Variants in TMEM132D observed in about 807,000 individuals in gnomAD.
TMEM132D encodes mature OL transmembrane protein.
In TMEM132D, 21 loss-of-function variants were observed where a neutral mutation model predicts 62.3. That is an observed-to-expected ratio of 0.34 (90% CI 0.24 to 0.49). The LOEUF is 0.49. TMEM132D is among the 20% of genes least tolerant of loss of function. TMEM132D has a pLI of 0.99. For missense variants in TMEM132D, 1,346 were observed against 1,402.8 expected (o/e 0.96, Z 0.65); for synonymous variants, 621 against 575.6 (o/e 1.08, Z -1.13).
intron 3 of TMEM132D, among the ~76,000 whole-genome samples, chr12:129,361,642 T>C (rs560808342): frequency 2.6e-5 from 4 of 152,354 alleles, no homozygotes; most frequent in Non-Finnish European, 4.4e-5. Context: ...TGTTGACTGC[T>C]GCCTCTATAC....
At chr12:129,815,816 T>G (rs193044255) in intron 1 of TMEM132D, among the ~76,000 whole-genome samples, 10 of 152,342 alleles carry the variant, frequency 6.6e-5, no homozygotes, top group Non-Finnish European at 1.3e-4. Context: ...TATTTTTTAA[T>G]AACTAGAAAT....
chr12:129,691,659 T>A (rs1014658270), intron 2 of TMEM132D, among the ~76,000 whole-genome samples: 4 of 152,136 alleles, frequency 2.6e-5, no homozygotes, highest in African/African-American at 9.6e-5. Flanking sequence ...TTTGAGGTGA[T>A]GAATATGTTA....
chr12:129,858,908 T>C (rs71466459), intron 1 of TMEM132D, among the ~76,000 whole-genome samples: 9 of 77,614 alleles, frequency 1.2e-4, no homozygotes, highest in African/African-American at 1.6e-4. Flanking sequence ...GTCCGGGGGA[T>C]GGGATGGCTG....
chr12:129,323,308 T>C (rs1364299749), intron 4 of TMEM132D, among the ~76,000 whole-genome samples: 1 of 152,170 alleles, frequency 6.6e-6, no homozygotes, highest in Non-Finnish European at 1.5e-5. Flanking sequence ...GGCATAATAT[T>C]CTCTGATGCA....
intron 1 of TMEM132D, among the ~76,000 whole-genome samples, chr12:129,707,797 A>C (rs1180803487): frequency 1.3e-5 from 2 of 152,196 alleles, no homozygotes; most frequent in African/African-American, 4.8e-5. Context: ...GGTGCAGGGG[A>C]AACAGAATTC....
chr12:129,789,537 A>C (rs1165718001), intron 1 of TMEM132D, among the ~76,000 whole-genome samples: 3 of 152,242 alleles, frequency 2.0e-5, no homozygotes, highest in Non-Finnish European at 4.4e-5. Context: ...ACACCGTGGA[A>C]TACTACTCAG....
chr12:129,461,742 T>A (rs567641011), intron 3 of TMEM132D, among the ~76,000 whole-genome samples: 74 of 126,108 alleles, frequency 5.9e-4, no homozygotes, highest in African/African-American at 2.1e-3. Context: ...GGTGGGTGGG[T>A]GGATAGATGG....
intron 3 of TMEM132D, among the ~76,000 whole-genome samples, chr12:129,440,025 G>GA (rs1282304377): frequency 2.6e-5 from 4 of 152,122 alleles, no homozygotes; most frequent in Non-Finnish European, 5.9e-5. Flanking sequence ...ATCCCAGAAT[G>GA]AAAAAGAGGT....
Position 129,144,007 on chromosome 12 carries a change from T to A in TMEM132D, c.1444-59305A>T, listed in dbSNP as rs116994510. On this transcript the variant is annotated intron_variant, in intron 5 of 8. Transcript: ENST00000422113. ...TTGGGAGCTGAGCAGCTGCCTTGAT[T>A]TATTATTTAACATTTTTCTTGCGGG... Among the ~76,000 whole-genome samples the A allele has an allele frequency of 3.1e-3, 472 of 152,214 alleles. 1 individual carries two copies. The highest frequency in any genetic ancestry group is 5.2e-3 in the Admixed American group (80 of 15,284).
At chr12:129,482,135 C>A (rs1369594556) in intron 3 of TMEM132D, among the ~76,000 whole-genome samples, 1 of 152,206 alleles carries the variant, frequency 6.6e-6, no homozygotes, top group Non-Finnish European at 1.5e-5. Context: ...TCTCAGCCAG[C>A]CCCCAGACAC....
At chr12:129,656,275 G>A (rs564147937) in intron 2 of TMEM132D, among the ~76,000 whole-genome samples, 6 of 151,370 alleles carry the variant, frequency 4.0e-5, no homozygotes, top group Non-Finnish European at 7.4e-5. Flanking sequence ...GAAAAGGAAA[G>A]AATGAAAGGG....
At chr12:129,101,905 C>T (rs575109642) in intron 5 of TMEM132D, among the ~76,000 whole-genome samples, 1 of 152,008 alleles carries the variant, frequency 6.6e-6, no homozygotes, top group South Asian at 2.1e-4. Context: ...TATAGAGAAA[C>T]CACCAGTCTT....
rs371380368 is a variant in TMEM132D at position 129,464,857 on chromosome 12, T to C, written c.1115+66202A>G. The stretch of plus-strand genomic sequence containing the variant: ...TCTCTGTTTTGGTACCAGTACCATG[T>C]TGTTTTGGTTACTGTAGCCTTGTAG... On this transcript the variant is annotated intron_variant, in intron 3 of 8. Coordinates refer to ENST00000422113, the MANE Select transcript of TMEM132D (RefSeq NM_133448.3). Among the ~76,000 whole-genome samples the C allele has an allele frequency of 6.3e-3, 961 of 152,130 alleles. 8 individuals are homozygous for C. Among genetic ancestry groups the C allele is most frequent in the African/African-American group, 0.021 (890 of 41,500 alleles).
At chr12:129,106,272 G>A (rs567710546) in intron 5 of TMEM132D, among the ~76,000 whole-genome samples, 18 of 131,296 alleles carry the variant, frequency 1.4e-4, no homozygotes, top group African/African-American at 5.7e-4. Flanking sequence ...TGTTGTGGGA[G>A]GGCGGAGGGG....
At chr12:129,191,179 A>G (rs916405531) in intron 5 of TMEM132D, among the ~76,000 whole-genome samples, 3 of 152,104 alleles carry the variant, frequency 2.0e-5, no homozygotes, top group Non-Finnish European at 4.4e-5. Context: ...CCTATGTGGA[A>G]TCTACTCAAA....
chr12:129,507,989 T>C (rs1431988627), intron 3 of TMEM132D, among the ~76,000 whole-genome samples: 1 of 152,186 alleles, frequency 6.6e-6, no homozygotes, highest in African/African-American at 2.4e-5. Context: ...CAGACTATCC[T>C]TCTTTTGTGT....
At chr12:129,822,387 G>A (rs181264975) in intron 1 of TMEM132D, among the ~76,000 whole-genome samples, 2 of 152,266 alleles carry the variant, frequency 1.3e-5, no homozygotes, top group East Asian at 3.9e-4. Flanking sequence ...AAGGACCAGG[G>A]TAACACAGGT....
chr12:129,425,830 T>TG (rs1466638226), intron 3 of TMEM132D, among the ~76,000 whole-genome samples: 1 of 152,212 alleles, frequency 6.6e-6, no homozygotes, highest in Non-Finnish European at 1.5e-5. Flanking sequence ...TCTACAGACT[T>TG]GGAGACTAAT....
At chr12:129,577,158 C>G (rs1469648213) in intron 2 of TMEM132D, among the ~76,000 whole-genome samples, 2 of 151,784 alleles carry the variant, frequency 1.3e-5, no homozygotes, top group Non-Finnish European at 2.9e-5. Flanking sequence ...CACTAGAGAT[C>G]ACTTTTTATT....
Sources: allele counts gnomAD v4.1 joint callset (sites outside exome capture counted in the v4.1 genomes callset), GRCh38; gene constraint gnomAD v4.1.1; transcripts MANE v1.5; gene names NCBI Gene and HGNC (gene_info 2026-07-23, HGNC 2026-07-21).